ACTR3C: variants seen among roughly 807,000 people sequenced by gnomAD.
The protein encoded by ACTR3C is actin-related protein 3C.
A neutral mutation model predicts 26.3 loss-of-function variants in ACTR3C; 18 were observed. The ratio of observed to expected loss-of-function variants is 0.68; its 90% CI spans 0.47 to 1.01. The LOEUF is 1.01. Among genes scored for constraint, ACTR3C ranks in the 50% least tolerant of loss-of-function variants. The pLI, the probability that ACTR3C is intolerant of heterozygous loss-of-function variation, is 0.00. For synonymous variants in ACTR3C, 55 were observed against 94.5 expected (o/e 0.58, Z 2.42); for missense variants, 184 against 250.7 (o/e 0.73, Z 1.80).
At chr7:149,994,821 T>C in the ACTR3C span, among the ~76,000 whole-genome samples, 5 of 150,344 alleles carry the variant, frequency 3.3e-5, no homozygotes, top group Admixed American at 6.6e-5. Flanking sequence ...AGTAAGACAG[T>C]AGGAGCAAGA....
At chr7:150,016,586 A>T in the ACTR3C span, among the ~76,000 whole-genome samples, 1 of 152,096 alleles carries the variant, frequency 6.6e-6, no homozygotes, top group Non-Finnish European at 1.5e-5. Flanking sequence ...AATCATAGGT[A>T]TTGAGAAGAC....
the ACTR3C span, among the ~76,000 whole-genome samples, chr7:150,227,512 G>A: frequency 2.0e-5 from 3 of 150,986 alleles, no homozygotes; most frequent in Non-Finnish European, 4.4e-5. Flanking sequence ...ATTGTACAAC[G>A]TATGAATTTT....
chr7:150,229,853 C>T, the ACTR3C span, among the ~76,000 whole-genome samples: 634 of 151,916 alleles, frequency 4.2e-3, 7 homozygotes, highest in African/African-American at 0.015. Flanking sequence ...ATAAATTCCA[C>T]TTGCTGCTCT....
downstream of ACTR3C, chr7:150,245,958 C>A (rs963886861): frequency 6.6e-6 from 1 of 152,218 alleles, no homozygotes; most frequent in Non-Finnish European, 1.5e-5. Flanking sequence ...ATTCTCACAG[C>A]CTGTCTTGGT....
the ACTR3C span, among the ~76,000 whole-genome samples, chr7:149,896,245 G>A: frequency 6.6e-6 from 1 of 152,138 alleles, no homozygotes; most frequent in African/African-American, 2.4e-5. Flanking sequence ...AAACAGTCCA[G>A]CCAAGTTAAT....
the ACTR3C span, among the ~76,000 whole-genome samples, chr7:150,046,349 C>CCCT: frequency 2.8e-5 from 1 of 36,106 alleles, no homozygotes; most frequent in African/African-American, 7.0e-5. Context: ...GTCTCACCGC[C>CCCT]CCCCCCCCCC....
At chr7:150,003,011 G>C in the ACTR3C span, 1 of 152,330 alleles carries the variant, frequency 6.6e-6, no homozygotes, top group Non-Finnish European at 1.5e-5. Flanking sequence ...CAGCCAAAGC[G>C]CCTCCCTGCC....
chr7:150,230,590 G>A, the ACTR3C span, among the ~76,000 whole-genome samples: 1 of 152,090 alleles, frequency 6.6e-6, no homozygotes, highest in African/African-American at 2.4e-5. Flanking sequence ...AGGGATCTAG[G>A]TTGCATGCTC....
intron 1 of ACTR3C, among the ~76,000 whole-genome samples, chr7:150,321,869 A>G (rs1367155092): frequency 1.3e-5 from 2 of 152,368 alleles, no homozygotes; most frequent in East Asian, 3.9e-4. Flanking sequence ...TGCTTGGGGC[A>G]GGAGAAGGGT....
At chr7:150,082,552 T>TG in the ACTR3C span, among the ~76,000 whole-genome samples, 1 of 151,794 alleles carries the variant, frequency 6.6e-6, no homozygotes, top group Non-Finnish European at 1.5e-5. Context: ...GATATAGGAG[T>TG]GGGGGTTGCA....
chr7:149,909,945 T>C, the ACTR3C span, among the ~76,000 whole-genome samples: 1 of 148,344 alleles, frequency 6.7e-6, no homozygotes. Context: ...GAAACACATA[T>C]ATACTAACAT....
At chr7:150,093,413 T>G in the ACTR3C span, among the ~76,000 whole-genome samples, 2 of 151,114 alleles carry the variant, frequency 1.3e-5, no homozygotes, top group Non-Finnish European at 2.9e-5. Flanking sequence ...AGACGTTGAG[T>G]GAATGTGGGA....
intron 1 of ACTR3C, among the ~76,000 whole-genome samples, chr7:150,303,897 A>T (rs1202431564): frequency 6.6e-6 from 1 of 152,220 alleles, no homozygotes; most frequent in African/African-American, 2.4e-5. Context: ...CTACACAAAC[A>T]TTTTTATTCA....
At chr7:150,038,172 A>G in the ACTR3C span, among the ~76,000 whole-genome samples, 2 of 142,980 alleles carry the variant, frequency 1.4e-5, no homozygotes, top group South Asian at 4.3e-4. Flanking sequence ...CTTTATGTTC[A>G]GGTTTTGCCC....
Position 150,289,460 on chromosome 7 carries a change from T to C in ACTR3C, c.287A>G (p.Lys96Arg), listed in dbSNP as rs1009659082. Residue 96 changes from lysine (K) to arginine (R), a missense_variant, in exon 4 of 8, where the codon AAA becomes AGA. Coordinates refer to ENST00000683684, the MANE Select transcript of ACTR3C (RefSeq NM_001164458.2). Reference sequence around the variant, plus strand: ...CCCATCTGTTTTTACCTTAATGGCTTTTGCGGTCTCCAGTGACTGCTCAGG... The same window carrying C: ...CCCATCTGTTTTTACCTTAATGGCTCTTGCGGTCTCCAGTGACTGCTCAGG... ...IPPEQSLETAKAIKEKYCYIC... is the reference protein window; with the variant it reads ...IPPEQSLETARAIKEKYCYIC... 3.2e-6 allele frequency: 5 copies of C among 1,580,180 alleles called. No individual in the cohort carries two copies. The African/African-American group carries it at 5.6e-5, about 18-fold the overall frequency.
the ACTR3C span, among the ~76,000 whole-genome samples, chr7:150,171,271 G>C: frequency 6.7e-6 from 1 of 148,628 alleles, no homozygotes; most frequent in Non-Finnish European, 1.5e-5. Context: ...GGATGTATGT[G>C]ATATGACTGT....
the ACTR3C span, among the ~76,000 whole-genome samples, chr7:150,112,164 C>T: frequency 6.6e-6 from 1 of 151,228 alleles, no homozygotes; most frequent in East Asian, 2.0e-4. Flanking sequence ...TGGAGCACCC[C>T]TTTCTCCGGG....
At chr7:150,307,258 A>C (rs1795867754) in intron 1 of ACTR3C, among the ~76,000 whole-genome samples, 1 of 152,236 alleles carries the variant, frequency 6.6e-6, no homozygotes, top group Admixed American at 6.5e-5. Flanking sequence ...CTCTGAGCCG[A>C]AGCTCACCCA....
At chr7:150,238,185 G>A in the ACTR3C span, among the ~76,000 whole-genome samples, 2 of 143,912 alleles carry the variant, frequency 1.4e-5, 1 homozygote, top group African/African-American at 5.6e-5. Flanking sequence ...GGCCTCAGAT[G>A]AGATATAGCT....
Sources: gnomAD v4.1 joint callset for allele counts (sites outside exome capture counted in the v4.1 genomes callset) on GRCh38, gnomAD v4.1.1 for gene constraint, MANE v1.5 for transcripts, NCBI Gene and HGNC (gene_info 2026-07-23, HGNC 2026-07-21) for gene names.